Variants in PCLO observed in about 807,000 individuals in gnomAD.
PCLO encodes the protein protein piccolo.
Under a neutral mutation model 427.5 loss-of-function variants are expected in PCLO, and 82 were observed. That is an observed-to-expected ratio of 0.19 (90% CI 0.16 to 0.23). PCLO has a LOEUF of 0.23. PCLO is among the 10% of genes least tolerant of loss of function. The probability of loss-of-function intolerance (pLI) is 1.00; values close to 1 mark genes in which losing one functional copy is unlikely to be tolerated. For missense variants in PCLO, 6,239 were observed against 6,115.9 expected (o/e 1.02, Z -0.67); for synonymous variants, 2,357 against 2,155.4 (o/e 1.09, Z -2.59).
In PCLO at chr7:82,951,403, T is replaced by C. The variant is rs1206921003; in HGVS notation, c.9185A>G (p.Gln3062Arg). 1.3e-6 allele frequency: 2 copies of C among 1,599,770 alleles called. No homozygotes were observed. Among genetic ancestry groups the C allele is most frequent in the East Asian group, 2.3e-5 (1 of 44,444 alleles). The part of the protein sequence containing the change: ...VISGAGISTP[Q>R]YSTARMTPPP... The stretch of plus-strand genomic sequence containing the variant: ...TGGTGTCATTCTTGCTGTGGAATAC[T>C]GTGGGGTACTAATCCCAGCTCCTGA... Residue 3062 changes from glutamine to arginine, a missense_variant, in exon 6 of 25, where the codon CAG becomes CGG. Gln to Arg is a conservative substitution (Grantham distance 43, BLOSUM62 1). Coordinates refer to ENST00000333891, the MANE Select transcript of PCLO (RefSeq NM_033026.6).
chr7:82,768,490 A>G (rs1790580771), intron 22 of PCLO, among the ~76,000 whole-genome samples: 1 of 152,058 alleles, frequency 6.6e-6, no homozygotes, highest in African/African-American at 2.4e-5. Flanking sequence ...TGTCTCTTAA[A>G]CTTCGTGAAA....
chr7:82,956,194 T>C lies in PCLO; in HGVS notation c.4759A>G (p.Ser1587Gly). The C allele has an allele frequency of 6.2e-7, 1 of 1,609,882 alleles. No individual in the cohort carries two copies. Among genetic ancestry groups the C allele is most frequent in the South Asian group, 1.1e-5 (1 of 91,078 alleles). Residue 1587 changes from serine to glycine, a missense_variant, in exon 5 of 25, where the codon AGC becomes GGC. Ser to Gly is a moderately conservative substitution (Grantham distance 56, BLOSUM62 0). Around this residue, in one of 5 missense-constraint regions of PCLO, gnomAD observed 4,677 missense variants for 4,468.4 expected, o/e 1.05. Transcript: ENST00000333891. ...TCCTTCTTCTGGCTCTCAGTACTGC[T>C]ACTAATCTCTTTGAGCTGGTTTCTG... ...FIRNQLKEIS[S>G]STESQKKEET... is the part of the protein sequence containing the mutation.
chr7:83,092,939 T>G (rs1790417164), intron 3 of PCLO, among the ~76,000 whole-genome samples: 2 of 113,108 alleles, frequency 1.8e-5, no homozygotes, highest in African/African-American at 7.4e-5. Flanking sequence ...AGAGCAAGAC[T>G]CTGTCTCAAA....
rs775559063 is a variant in PCLO at position 83,156,315 on chromosome 7, C to T, written c.326G>A (p.Gly109Asp). 1.9e-6 allele frequency: 3 copies of T among 1,613,072 alleles called. No homozygotes were observed. Among genetic ancestry groups the T allele is most frequent in the Non-Finnish European group, 2.5e-6 (3 of 1,179,620 alleles). The change falls in exon 2 of 25, where the codon GGT (glycine) becomes GAT (aspartate). Residue 109 changes from glycine to aspartate, a missense_variant. Physicochemically the swap from Gly to Asp is moderately conservative, Grantham distance 94. Coordinates refer to ENST00000333891, the MANE Select transcript of PCLO (RefSeq NM_033026.6). ...PPDPGRPAQP[G>D]LSKSRTTDTF... Reference sequence around the variant, plus strand: ...GTCTGTAGTTCTACTTTTACTGAGACCAGGTTGAGCTGGACGCCCAGGGTC... The same window carrying T: ...GTCTGTAGTTCTACTTTTACTGAGATCAGGTTGAGCTGGACGCCCAGGGTC...
At chr7:82,868,115 C>G (rs770000585) in intron 10 of PCLO, 3 of 456,432 alleles carry the variant, frequency 6.6e-6, no homozygotes, top group South Asian at 4.6e-5. Flanking sequence ...ACCTGGTAAT[C>G]CCCCTGGAAC....
chr7:82,970,884 T>C (rs1795886795), intron 3 of PCLO, among the ~76,000 whole-genome samples: 1 of 151,862 alleles, frequency 6.6e-6, no homozygotes, highest in Admixed American at 6.6e-5. Flanking sequence ...TTGGACAATA[T>C]GGGTCATCAT....
In PCLO at chr7:82,797,773, G is replaced by C. The variant is rs1791257929; in HGVS notation, c.15007+3745C>G. On this transcript the variant is annotated intron_variant, in intron 22 of 24. Transcript: ENST00000333891. ...ATACTACAACTTAGGTTGAATCCCA[G>C]AACCCTTCATAGGGCTCACATTCTG... Among the ~76,000 whole-genome samples the C allele has an allele frequency of 5.9e-5, 9 of 152,188 alleles. No homozygotes were observed. The South Asian group carries it at 1.9e-3, about 31-fold the overall frequency.
At position 83,155,582 on chromosome 7, in the gene PCLO, G is replaced by A. The variant is rs13311821; in HGVS notation, c.1059C>T (p.Val353=). 3.8e-4 allele frequency: 535 copies of A among 1,418,296 alleles called. 2 individuals are homozygous for A. In the East Asian group the frequency reaches 0.011, roughly 29 times the overall value. The allele number at this position is 1,418,296 out of a possible 1,614,324, so 87.9% of individuals were successfully genotyped here. ...AQQPGTVKPP[V]QPPGTTKPPA... ...GAGGCTTTGTTGTCCCTGGTGGCTG[G>A]ACTGGGGGTTTCACTGTCCCTGGTT... Residue 353 remains valine, a synonymous_variant, in exon 2 of 25, where the codon GTC becomes GTT. Coordinates refer to ENST00000333891, the MANE Select transcript of PCLO (RefSeq NM_033026.6).
At chr7:82,803,853 CA>C (rs1791408101) in intron 21 of PCLO, among the ~76,000 whole-genome samples, 1 of 151,962 alleles carries the variant, frequency 6.6e-6, no homozygotes, top group African/African-American at 2.4e-5. Flanking sequence ...TATGGCAAAG[CA>C]AGAGTCTCCT....
intron 10 of PCLO, among the ~76,000 whole-genome samples, chr7:82,863,525 G>T (rs925245910): frequency 1.3e-5 from 2 of 151,810 alleles, no homozygotes; most frequent in African/African-American, 4.8e-5. Context: ...CATTTGAAAA[G>T]TTATCAATCT....
In PCLO at chr7:82,838,422, A is replaced by T. The variant is rs573654136; in HGVS notation, c.14098-80T>A. ...CATTCAATATTTACTAGTTTTTTTT[A>T]AAGAAAATTCTTATAAGAAGCATCA... On this transcript the variant is annotated intron_variant, in intron 14 of 24. Coordinates refer to ENST00000333891, the MANE Select transcript of PCLO (RefSeq NM_033026.6). 5 of 813,802 alleles carry T rather than the reference A, an allele frequency of 6.1e-6. No homozygotes were observed. The East Asian group carries it at 9.4e-5, about 15-fold the overall frequency. 50.4% of individuals were successfully genotyped at this position (813,802 alleles called of 1,614,324 possible).
chr7:82,916,972 T>G, intron 6 of PCLO, 99 bp from the exon 7 acceptor site: 5 of 819,644 alleles, frequency 6.1e-6, no homozygotes, highest in Non-Finnish European at 9.1e-6. Flanking sequence ...ATTTCATGTA[T>G]GATTTTGCTA....
intron 3 of PCLO, among the ~76,000 whole-genome samples, chr7:82,982,316 G>T (rs1047592446): frequency 1.3e-5 from 2 of 152,074 alleles, no homozygotes; most frequent in Non-Finnish European, 2.9e-5. Context: ...TATAGAGTGG[G>T]GGATGAGACT....
At chr7:82,868,618 G>A (rs961039518) in intron 10 of PCLO, among the ~76,000 whole-genome samples, 2 of 152,136 alleles carry the variant, frequency 1.3e-5, no homozygotes, top group South Asian at 4.1e-4. Flanking sequence ...AAACAATGAA[G>A]TTTCTCTCAT....
intron 16 of PCLO, among the ~76,000 whole-genome samples, chr7:82,835,034 TC>T (rs1401817372): frequency 6.6e-6 from 1 of 152,024 alleles, no homozygotes; most frequent in Non-Finnish European, 1.5e-5. Flanking sequence ...AAGCTCCACC[TC>T]CTAGGTTCAC....
chr7:83,135,015 T>A lies in PCLO; in HGVS notation c.2535A>T (p.Gln845His). 1 of 1,613,938 alleles carries A rather than the reference T, an allele frequency of 6.2e-7. No homozygotes were observed. ...GPSSESKGQK[Q>H]VDPVQKKEEP... ...CTTCCTTCTTTTGTACGGGGTCAAC[T>A]TGTTTTTGACCTTTGCTCTCTGAAC... Residue 845 changes from glutamine to histidine, a missense_variant, in exon 3 of 25, where the codon CAA (glutamine) becomes CAT (histidine). Gln to His is a conservative substitution (Grantham distance 24, BLOSUM62 0). Transcript: ENST00000333891.
rs559892219 is a variant in PCLO, at chr7:83,073,182, TATAAG to T, written c.3300+61063_3300+61067del. ...AATAATGCCATTCTCACCTATAGTA[TATAAG>T]ATAATATACAATATTAAAAAATTAG... On this transcript the variant is annotated intron_variant, in intron 3 of 24. Transcript: ENST00000333891. Among the ~76,000 whole-genome samples, 83 of 152,098 alleles carry T rather than the reference TATAAG, an allele frequency of 5.5e-4. 1 individual carries two copies. The Middle Eastern group carries it at 0.01, about 19-fold the overall frequency.
chr7:82,865,444 C>T lies in PCLO; in HGVS notation c.13654+13893G>A, dbSNP rs530616658. ...CAGACAGTGCAGTGAGCTGAGATCG[C>T]GCCATTGCACTCCAGCCTGGGCGAC... On this transcript the variant is annotated intron_variant, in intron 10 of 24. Coordinates refer to ENST00000333891, the MANE Select transcript of PCLO (RefSeq NM_033026.6). 8.7e-4 allele frequency among the ~76,000 whole-genome samples: 133 copies of T among 152,148 alleles called. 6 individuals are homozygous for T. The South Asian group carries it at 0.027, about 31-fold the overall frequency.
At chr7:82,969,117 A>G (rs1286284534) in intron 3 of PCLO, among the ~76,000 whole-genome samples, 1 of 152,186 alleles carries the variant, frequency 6.6e-6, no homozygotes, top group African/African-American at 2.4e-5. Context: ...CCACAATGGT[A>G]CATGGCTCTT....
Sources: allele counts gnomAD v4.1 joint callset (sites outside exome capture counted in the v4.1 genomes callset), GRCh38; gene constraint gnomAD v4.1.1; regional missense constraint gnomAD v4.1.1; transcripts MANE v1.5; gene names NCBI Gene and HGNC (gene_info 2026-07-23, HGNC 2026-07-21).